ADRA1B: variants seen among roughly 807,000 people sequenced by gnomAD.
ADRA1B encodes the protein adrenoceptor alpha 1B.
A neutral mutation model predicts 17.9 loss-of-function variants in ADRA1B; 17 were observed. That is an observed-to-expected ratio of 0.95 (90% CI 0.65 to 1.42). ADRA1B has a LOEUF of 1.42. Ranked by LOEUF, ADRA1B falls within the 40% of genes most tolerant of loss-of-function variation. The pLI is 0.00. For synonymous variants in ADRA1B, 366 were observed against 327.6 expected (o/e 1.12, Z -1.27); for missense variants, 681 against 722.1 (o/e 0.94, Z 0.65).
At chr5:159,934,583 T>C (rs1307951107) in intron 1 of ADRA1B, among the ~76,000 whole-genome samples, 2 of 151,990 alleles carry the variant, frequency 1.3e-5, no homozygotes, top group Non-Finnish European at 2.9e-5. Flanking sequence ...GGCGGGCGGA[T>C]CACTTGAGGT....
At chr5:159,881,180 CAAAAAAAAAAAAAAAA>C (rs35928792) in intron 1 of ADRA1B, among the ~76,000 whole-genome samples, 2 of 56,828 alleles carry the variant, frequency 3.5e-5, no homozygotes, top group East Asian at 1.0e-3. Flanking sequence ...GACTCCGTCT[CAAAAAAAAAAAAAAAA>C]AAAAAAAAAA....
At chr5:159,974,464 G>A (rs937433230), downstream of ADRA1B, among the ~76,000 whole-genome samples, 6 of 152,030 alleles carry the variant, frequency 3.9e-5, no homozygotes, top group African/African-American at 7.2e-5. Context: ...GTGAAACCTC[G>A]TCTCTACTAA....
chr5:159,973,779 T>TCC (rs1396597513), downstream of ADRA1B, among the ~76,000 whole-genome samples: 3 of 152,208 alleles, frequency 2.0e-5, no homozygotes, highest in Admixed American at 1.3e-4. Flanking sequence ...GAGACTTACT[T>TCC]CCCTCTCTGG....
chr5:159,930,997 A>T (rs1754788122), intron 1 of ADRA1B, among the ~76,000 whole-genome samples: 1 of 147,364 alleles, frequency 6.8e-6, no homozygotes, highest in South Asian at 2.1e-4. Flanking sequence ...TAATATATAT[A>T]TTTTATAATA....
At chr5:159,987,229 A>G in the ADRA1B span, among the ~76,000 whole-genome samples, 1 of 152,190 alleles carries the variant, frequency 6.6e-6, no homozygotes, top group African/African-American at 2.4e-5. Flanking sequence ...AGGCCCGTAA[A>G]TATTTGCCTT....
At chr5:159,890,134 C>T (rs780256964) in intron 1 of ADRA1B, among the ~76,000 whole-genome samples, 1 of 152,136 alleles carries the variant, frequency 6.6e-6, no homozygotes, top group African/African-American at 2.4e-5. Flanking sequence ...TAGTAGACAC[C>T]GAGTTGTTTT....
intron 1 of ADRA1B, among the ~76,000 whole-genome samples, chr5:159,892,897 G>A (rs1384967430): frequency 2.0e-5 from 3 of 152,232 alleles, no homozygotes; most frequent in East Asian, 1.9e-4. Flanking sequence ...TTAGGTCGCC[G>A]AGGATTCGCT....
At chr5:159,968,421 C>T (rs1755812509) in intron 1 of ADRA1B, among the ~76,000 whole-genome samples, 1 of 152,184 alleles carries the variant, frequency 6.6e-6, no homozygotes, top group Non-Finnish European at 1.5e-5. Context: ...CCATTTATCG[C>T]CTATTTCACA....
rs201439779 is a variant in ADRA1B, at chr5:159,965,841, A to AT, written c.950-6035dup. 2.0e-3 allele frequency among the ~76,000 whole-genome samples: 303 copies of AT among 150,924 alleles called. 1 individual carries two copies. The highest frequency in any genetic ancestry group is 5.1e-3 in the African/African-American group (209 of 41,062). ...ATGAGGGATCTGAATTTATTTATTTATTTATTTATTTTTTTGACACAGACC... is the reference window on the plus strand; with the variant it reads ...ATGAGGGATCTGAATTTATTTATTTATTTTATTTATTTTTTTGACACAGACC... On this transcript the variant is annotated intron_variant, in intron 1 of 1. Transcript: ENST00000306675.
the ADRA1B span, among the ~76,000 whole-genome samples, chr5:159,981,574 C>T: frequency 1.3e-5 from 2 of 152,156 alleles, no homozygotes; most frequent in Non-Finnish European, 2.9e-5. Flanking sequence ...CGGCTCACTG[C>T]AGGCTCCGCC....
At chr5:159,985,846 T>G in the ADRA1B span, among the ~76,000 whole-genome samples, 2 of 152,216 alleles carry the variant, frequency 1.3e-5, no homozygotes, top group African/African-American at 4.8e-5. Flanking sequence ...AACAAGGCAC[T>G]GTGGGACCTG....
At chr5:159,978,075 T>G in the ADRA1B span, among the ~76,000 whole-genome samples, 3 of 152,300 alleles carry the variant, frequency 2.0e-5, no homozygotes, top group East Asian at 5.8e-4. Flanking sequence ...ATAGTACTTA[T>G]CACCACCTGA....
chr5:159,943,175 G>A (rs1485158060), intron 1 of ADRA1B, among the ~76,000 whole-genome samples: 1 of 151,126 alleles, frequency 6.6e-6, no homozygotes, highest in East Asian at 1.9e-4. Context: ...TTGCGCCACT[G>A]TACTCCCGCC....
At chr5:159,955,199 T>C (rs1755529854) in intron 1 of ADRA1B, 3 of 985,322 alleles carry the variant, frequency 3.0e-6, no homozygotes, top group Non-Finnish European at 3.6e-6. Flanking sequence ...TCACTCTGTA[T>C]TGGAGAAGTC....
At chr5:159,988,545 G>A in the ADRA1B span, among the ~76,000 whole-genome samples, 2 of 152,160 alleles carry the variant, frequency 1.3e-5, no homozygotes, top group Non-Finnish European at 2.9e-5. Context: ...CCCTCTCCAG[G>A]AGGAGACAAC....
At position 159,971,964 on chromosome 5, in the gene ADRA1B, C is replaced by T. The variant is rs1755876639; in HGVS notation, c.1035C>T (p.Pro345=). The change falls in exon 2 of 2, where the codon CCC becomes CCT. Residue 345 remains proline, a synonymous_variant. Transcript: ENST00000306675. The part of the protein sequence containing the change: ...WLGYFNSCLN[P]IIYPCSSKEF... The stretch of plus-strand genomic sequence containing the variant: ...GCTACTTCAACAGCTGCCTCAACCC[C>T]ATCATCTACCCATGCTCCAGCAAGG... The T allele has an allele frequency of 6.8e-7, 1 of 1,471,688 alleles. No individual in the cohort carries two copies. Among genetic ancestry groups the T allele is most frequent in the African/African-American group, 1.4e-5 (1 of 69,832 alleles). The allele number at this position is 1,471,688 out of a possible 1,614,324, so 91.2% of individuals were successfully genotyped here. A position where few individuals can be genotyped will look rare whatever the true frequency, so the allele number is the denominator to read the frequency against.
At chr5:159,983,341 C>A in the ADRA1B span, among the ~76,000 whole-genome samples, 1 of 152,216 alleles carries the variant, frequency 6.6e-6, no homozygotes, top group Non-Finnish European at 1.5e-5. Context: ...CCCATCCCCA[C>A]CCGGAAAACT....
chr5:159,874,238 G>A (rs1046659555), intron 1 of ADRA1B, among the ~76,000 whole-genome samples: 9 of 152,142 alleles, frequency 5.9e-5, no homozygotes, highest in African/African-American at 2.2e-4. Context: ...GCTTCCAAAA[G>A]CCATCAAGTC....
chr5:159,941,536 A>G (rs1226329562), intron 1 of ADRA1B, among the ~76,000 whole-genome samples: 1 of 152,224 alleles, frequency 6.6e-6, no homozygotes, highest in Non-Finnish European at 1.5e-5. Context: ...TATACACAGG[A>G]GAGAATTGGA....
Sources: allele counts gnomAD v4.1 joint callset (sites outside exome capture counted in the v4.1 genomes callset), GRCh38; gene constraint gnomAD v4.1.1; transcripts MANE v1.5; gene names NCBI Gene and HGNC (gene_info 2026-07-23, HGNC 2026-07-21).